Variants in PRDM15 observed in about 807,000 individuals in gnomAD.
The protein encoded by PRDM15 is PR domain zinc finger protein 15.
PRDM15 carries 64 observed loss-of-function variants against 128.6 expected under a neutral mutation model. The ratio of observed to expected loss-of-function variants is 0.50; its 90% CI spans 0.41 to 0.61. PRDM15 has a LOEUF of 0.61. PRDM15 is among the 20% of genes least tolerant of loss of function. PRDM15 has a pLI of 0.00. For synonymous variants in PRDM15, 615 were observed against 621.8 expected (o/e 0.99, Z 0.16); for missense variants, 1,242 against 1,569.1 (o/e 0.79, Z 3.52).
chr21:41,852,236 A>T (rs2063451270), intron 5 of PRDM15, among the ~76,000 whole-genome samples: 1 of 152,240 alleles, frequency 6.6e-6, no homozygotes, highest in Admixed American at 6.5e-5. Flanking sequence ...CCCCCAGGAT[A>T]CAAGCTGACA....
At chr21:41,852,436 A>G (rs2063458989) in intron 5 of PRDM15, among the ~76,000 whole-genome samples, 3 of 152,214 alleles carry the variant, frequency 2.0e-5, no homozygotes, top group Non-Finnish European at 4.4e-5. Context: ...GGACTTGGAA[A>G]CGGCCCCTGA....
chr21:41,867,437 A>G, intron 1 of PRDM15: 1 of 1,265,966 alleles, frequency 7.9e-7, no homozygotes, highest in Middle Eastern at 2.2e-4. Context: ...AACAGGTGAA[A>G]CATACATGTT....
In PRDM15 at chr21:41,867,345, G is replaced by A. The variant is rs1395424190; in HGVS notation, c.-9-6973C>T. 5 of 1,613,650 alleles carry A rather than the reference G, an allele frequency of 3.1e-6. No individual in the cohort carries two copies. The East Asian group carries it at 1.1e-4, about 36-fold the overall frequency. ...CCCAGGGCTGGGGGCAGATTTTCCT[G>A]GTTCCCCCAGGAAAAGTTTTGTGCA... On this transcript the variant is annotated intron_variant, in intron 1 of 23. Transcript: ENST00000398548.
rs565528350 is a variant in PRDM15 at position 41,802,799 on chromosome 21, G to A, written c.2856C>T (p.Ala952=). 3.1e-6 allele frequency: 5 copies of A among 1,614,166 alleles called. No individual in the cohort carries two copies. The South Asian group carries it at 5.5e-5, about 18-fold the overall frequency. Residue 952 remains alanine, a synonymous_variant, in exon 23 of 24, where the codon GCC becomes GCT. Transcript: ENST00000398548. ...EEAGAPVPED[A]TFSEYSEKET... ...CTTTCTCTGAGTATTCGCTGAAGGT[G>A]GCGTCCTCGGGCACCGGAGCACCCG...
Position 41,812,193 on chromosome 21 carries a change from A to C in PRDM15, c.2393-1357T>G, listed in dbSNP as rs894213600. On this transcript the variant is annotated intron_variant, in intron 19 of 23. Transcript: ENST00000398548. ...GGAGGGTCCCTCCCCAGGTCCAGGG[A>C]CAAGACCAGGAAGTGTCACTGTTTT... 6.6e-5 allele frequency: 10 copies of C among 152,354 alleles called. 2 individuals carry two copies. Among genetic ancestry groups the C allele is most frequent in the Admixed American group, 1.3e-4 (2 of 15,306 alleles). The allele number at this position is 152,354 out of a possible 1,614,324, so 9.4% of individuals were successfully genotyped here. A position where few individuals can be genotyped will look rare whatever the true frequency, so the allele number is the denominator to read the frequency against.
chr21:41,866,766 C>A (rs1308043874), intron 1 of PRDM15, among the ~76,000 whole-genome samples: 1 of 152,178 alleles, frequency 6.6e-6, no homozygotes, highest in East Asian at 1.9e-4. Flanking sequence ...AGAACGAGCA[C>A]AACGCTTCCC....
At chr21:41,856,918 G>A (rs1053230136) in intron 4 of PRDM15, among the ~76,000 whole-genome samples, 83 of 152,168 alleles carry the variant, frequency 5.5e-4, no homozygotes, top group African/African-American at 2.0e-3. Context: ...TCAGCATTTG[G>A]GTTTCTCCTG....
chr21:41,808,607 T>C (rs2061756168), intron 21 of PRDM15, among the ~76,000 whole-genome samples: 1 of 152,234 alleles, frequency 6.6e-6, no homozygotes, highest in Admixed American at 6.5e-5. Flanking sequence ...ACCCATCACT[T>C]CAAGAACAAG....
chr21:41,833,470 C>G (rs1314270395), intron 11 of PRDM15, among the ~76,000 whole-genome samples: 1 of 152,218 alleles, frequency 6.6e-6, no homozygotes, highest in Non-Finnish European at 1.5e-5. Flanking sequence ...AGGCGTGACT[C>G]CCACATTCTT....
intron 5 of PRDM15, among the ~76,000 whole-genome samples, chr21:41,849,901 A>G (rs1322547032): frequency 6.6e-6 from 1 of 152,258 alleles, no homozygotes; most frequent in African/African-American, 2.4e-5. Flanking sequence ...GGGCCACCAC[A>G]TTCCAGCCTG....
chr21:41,828,058 C>A lies in PRDM15; in HGVS notation c.1534+108G>T. ...GGGCGTTTCCAGGCAAAGGAGCAGG[C>A]GGCACCGAACTGCTCCCCAAAGGCC... On this transcript the variant is annotated intron_variant, in intron 12 of 23. Transcript: ENST00000398548. The surrounding 1 kb of genome is among the most constrained non-coding windows in gnomAD (Gnocchi z 5.7). 9.0e-7 allele frequency: 1 copy of A among 1,108,420 alleles called. No individual in the cohort carries two copies. Among genetic ancestry groups the A allele is most frequent in the Non-Finnish European group, 1.3e-6 (1 of 757,616 alleles). 68.7% of individuals were successfully genotyped at this position (1,108,420 alleles called of 1,614,324 possible).
intron 1 of PRDM15, chr21:41,867,364 T>C (rs2064047813): frequency 1.9e-6 from 3 of 1,613,762 alleles, no homozygotes; most frequent in South Asian, 1.1e-5. Flanking sequence ...AGGAAAAGTT[T>C]TGTGCAAAGG....
intron 18 of PRDM15, among the ~76,000 whole-genome samples, chr21:41,818,268 ACATTCTGTT>A (rs1410410746): frequency 6.6e-6 from 1 of 152,184 alleles, no homozygotes; most frequent in Non-Finnish European, 1.5e-5. Flanking sequence ...ACTGCTACCG[ACATTCTGTT>A]CAGAGAAACC....
In PRDM15 at chr21:41,834,383, G is replaced by A. The variant is rs944953838; in HGVS notation, c.1366+1054C>T. The A allele has an allele frequency of 1.9e-5, 16 of 852,704 alleles. No homozygotes were observed. The African/African-American group carries it at 2.5e-4, about 13-fold the overall frequency. The allele number at this position is 852,704 out of a possible 1,614,324, so 52.8% of individuals were successfully genotyped here. ...CCCTGGTCAGAGCCCCTGGGAGTCC[G>A]CTGCTGCAGGTGCCCTGTTCTCAAC... On this transcript the variant is annotated intron_variant, in intron 11 of 23. Transcript: ENST00000398548.
At chr21:41,851,541 G>A (rs1342130746) in intron 5 of PRDM15, among the ~76,000 whole-genome samples, 4 of 152,238 alleles carry the variant, frequency 2.6e-5, no homozygotes, top group African/African-American at 9.6e-5. Flanking sequence ...GGTGGCAGAG[G>A]GTGAGAGGCA....
intron 5 of PRDM15, among the ~76,000 whole-genome samples, chr21:41,849,275 A>C (rs1302313711): frequency 6.6e-6 from 1 of 152,228 alleles, no homozygotes; most frequent in Non-Finnish European, 1.5e-5. Flanking sequence ...GACACTCAAA[A>C]GTCTCTAAAC....
rs774469876 is a variant in PRDM15, at chr21:41,810,167, C to T, written c.2639G>A (p.Arg880His). ...TRASMSRHMR[R>H]KHPEVLAVRI... ...CCACCAGCTCACCTCGGGGTGCTTG[C>T]GCCGCATGTGTCGGCTCATGGAGGC... The change falls in exon 21 of 24, where the codon CGC (arginine) becomes CAC (histidine). Residue 880 changes from arginine (R) to histidine (H), a missense_variant. Coordinates refer to ENST00000398548, the MANE Select transcript of PRDM15 (RefSeq NM_001040424.3). This position sits in a 1 kb window ranked among gnomAD's most constrained non-coding sequence, Gnocchi z 6.4. The T allele has an allele frequency of 4.4e-6, 7 of 1,608,582 alleles. No individual in the cohort carries two copies. Among genetic ancestry groups the T allele is most frequent in the African/African-American group, 1.3e-5 (1 of 74,894 alleles).
intron 22 of PRDM15, chr21:41,803,132 T>A: frequency 1.7e-6 from 1 of 581,490 alleles, no homozygotes; most frequent in South Asian, 2.1e-5. Context: ...AAAAAAAAAA[T>A]ACATGCAAGT....
At position 41,832,976 on chromosome 21, in the gene PRDM15, C is replaced by T. The variant is rs1443596544; in HGVS notation, c.1366+2461G>A. Among the ~76,000 whole-genome samples, 1 of 152,200 alleles carries T rather than the reference C, an allele frequency of 6.6e-6. No homozygotes were observed. Among genetic ancestry groups the T allele is most frequent in the Non-Finnish European group, 1.5e-5 (1 of 68,044 alleles). Reference sequence around the variant, plus strand: ...ACAGGGGCACTGGGTCCCAACAATGCTTCTCCCTCCAATAACCCTGCGCCG... The same window carrying T: ...ACAGGGGCACTGGGTCCCAACAATGTTTCTCCCTCCAATAACCCTGCGCCG... On this transcript the variant is annotated intron_variant, in intron 11 of 23. Coordinates refer to ENST00000398548, the MANE Select transcript of PRDM15 (RefSeq NM_001040424.3). This position sits in a 1 kb window ranked among gnomAD's most constrained non-coding sequence, Gnocchi z 4.2.
Sources: allele counts gnomAD v4.1 joint callset (sites outside exome capture counted in the v4.1 genomes callset), GRCh38; gene constraint gnomAD v4.1.1; non-coding constraint Gnocchi (gnomAD v3.1); transcripts MANE v1.5; gene names NCBI Gene and HGNC (gene_info 2026-07-23, HGNC 2026-07-21).